GRIP1: variants seen among roughly 807,000 people sequenced by gnomAD.
GRIP1 encodes the protein glutamate receptor interacting protein 1.
A neutral mutation model predicts 129.9 loss-of-function variants in GRIP1; 45 were observed. The observed-to-expected ratio is 0.35, with a 90% confidence interval of 0.27 to 0.44. GRIP1 has a LOEUF of 0.44. GRIP1 is among the 20% of genes least tolerant of loss of function. GRIP1 has a pLI of 1.00. For missense variants in GRIP1, 1,196 were observed against 1,396.8 expected (o/e 0.86, Z 2.29); for synonymous variants, 530 against 520.8 (o/e 1.02, Z -0.24).
At chr12:66,497,343 C>T (rs1056202079) in intron 7 of GRIP1, among the ~76,000 whole-genome samples, 2 of 152,274 alleles carry the variant, frequency 1.3e-5, no homozygotes, top group East Asian at 1.9e-4. Context: ...GAGTAACAGA[C>T]ATTTAGGCTG....
At chr12:67,015,767 G>T (rs1327141053) in intron 1 of GRIP1, among the ~76,000 whole-genome samples, 3 of 152,184 alleles carry the variant, frequency 2.0e-5, no homozygotes, top group Non-Finnish European at 4.4e-5. Context: ...TCTACAGGAG[G>T]AGGGATACAT....
chr12:66,916,813 T>C (rs2041131131), intron 1 of GRIP1, among the ~76,000 whole-genome samples: 1 of 152,184 alleles, frequency 6.6e-6, no homozygotes, highest in South Asian at 2.1e-4. Flanking sequence ...TGTATTATAC[T>C]CTTTTGCCTA....
At chr12:66,605,054 T>C (rs200371641) in intron 1 of GRIP1, among the ~76,000 whole-genome samples, 5 of 109,292 alleles carry the variant, frequency 4.6e-5, no homozygotes, top group East Asian at 4.2e-4. Flanking sequence ...AAGTCACTTA[T>C]ATATATATAT....
chr12:66,954,983 A>G (rs2041816690), intron 1 of GRIP1, among the ~76,000 whole-genome samples: 1 of 152,160 alleles, frequency 6.6e-6, no homozygotes, highest in Non-Finnish European at 1.5e-5. Context: ...GTGCCACTTG[A>G]GCAAAGCCCC....
intron 1 of GRIP1, among the ~76,000 whole-genome samples, chr12:67,039,633 CATA>C (rs1377233162): frequency 6.6e-6 from 1 of 152,146 alleles, no homozygotes; most frequent in Admixed American, 6.6e-5. Context: ...AAAAGAGTCT[CATA>C]ATAATAATGA....
Position 66,679,024 on chromosome 12 carries a change from G to C in GRIP1, c.-120C>G, listed in dbSNP as rs1248152731. ...AGGAGAAAGGTAGTCCCAGTGGGGA[G>C]TGACAAAGCTTAATTCCTCTTGGCT... On this transcript the variant is annotated 5_prime_UTR_variant, in exon 1 of 25. Coordinates refer to ENST00000359742, the MANE Select transcript of GRIP1 (RefSeq NM_001366722.1). The C allele has an allele frequency of 2.5e-6, 4 of 1,569,102 alleles. No individual in the cohort carries two copies. Among genetic ancestry groups the C allele is most frequent in the Non-Finnish European group, 3.5e-6 (4 of 1,156,426 alleles).
At chr12:66,399,278 C>T (rs1054684049) in intron 16 of GRIP1, among the ~76,000 whole-genome samples, 4 of 151,876 alleles carry the variant, frequency 2.6e-5, no homozygotes, top group Non-Finnish European at 5.9e-5. Context: ...GGCTTTAACT[C>T]AACTGGTGAG....
At chr12:66,974,360 C>A (rs1044887453) in intron 1 of GRIP1, among the ~76,000 whole-genome samples, 1 of 152,100 alleles carries the variant, frequency 6.6e-6, no homozygotes, top group East Asian at 1.9e-4. Context: ...ATCCAACATG[C>A]GATAACAGAC....
chr12:66,486,793 T>G (rs1399215154), intron 7 of GRIP1, among the ~76,000 whole-genome samples: 2 of 1,060 alleles, frequency 1.9e-3, no homozygotes, highest in East Asian at 0.5. Flanking sequence ...CAGGTCTCAA[T>G]TTTTTTTTTT....
At chr12:67,018,021 T>C (rs546168201) in intron 1 of GRIP1, among the ~76,000 whole-genome samples, 29 of 152,324 alleles carry the variant, frequency 1.9e-4, no homozygotes, top group African/African-American at 7.0e-4. Context: ...CCTGAAATAC[T>C]GAGTGAGTTA....
intron 1 of GRIP1, among the ~76,000 whole-genome samples, chr12:66,887,606 T>C (rs973929997): frequency 1.3e-5 from 2 of 152,244 alleles, no homozygotes; most frequent in Non-Finnish European, 2.9e-5. Flanking sequence ...ATTTGACCTT[T>C]TAAGTAATTT....
chr12:66,460,555 C>A (rs1047803038), intron 9 of GRIP1, among the ~76,000 whole-genome samples: 3 of 152,210 alleles, frequency 2.0e-5, no homozygotes, highest in Admixed American at 6.5e-5. Flanking sequence ...AAATTTCTAA[C>A]CTCACTGAAA....
chr12:66,815,501 C>T (rs1345583798), intron 1 of GRIP1, among the ~76,000 whole-genome samples: 2 of 152,160 alleles, frequency 1.3e-5, no homozygotes, highest in Non-Finnish European at 2.9e-5. Flanking sequence ...TGACTCATGC[C>T]TACAATCCCA....
chr12:66,803,423 A>T (rs899272643), intron 1 of GRIP1, among the ~76,000 whole-genome samples: 4 of 152,180 alleles, frequency 2.6e-5, no homozygotes, highest in Non-Finnish European at 4.4e-5. Context: ...ATAAAAGAAA[A>T]CTGCTAGTTC....
intron 1 of GRIP1, chr12:66,626,853 C>T (rs1165512822): frequency 6.6e-6 from 1 of 152,506 alleles, no homozygotes; most frequent in East Asian, 1.9e-4. Context: ...TCAGGACAAA[C>T]GAGAACTTGG....
chr12:66,827,385 T>TGTGG (rs2039434141), intron 1 of GRIP1, among the ~76,000 whole-genome samples: 2 of 71,496 alleles, frequency 2.8e-5, no homozygotes, highest in South Asian at 1.2e-3. Flanking sequence ...TGTGTGTGTG[T>TGTGG]GTGAGAGAGA....
intron 20 of GRIP1, 144 bp from the exon 21 acceptor site, chr12:66,377,429 A>G (rs1478351630): frequency 2.7e-5 from 18 of 668,972 alleles, no homozygotes; most frequent in Non-Finnish European, 3.8e-5. Context: ...CCGGGTTCAC[A>G]CCATTCTCCT....
rs146375424 is a variant in GRIP1, at chr12:66,717,715, T to C, written c.-420+86338A>G. On this transcript the variant is annotated intron_variant, in intron 1 of 4. Transcript: ENST00000538373. ...TGATGCATATTGAACAGTCATTGTGTTGGTCTTTTCTTTAACTATAAATGA... is the reference window on the plus strand; with the variant it reads ...TGATGCATATTGAACAGTCATTGTGCTGGTCTTTTCTTTAACTATAAATGA... Among the ~76,000 whole-genome samples the C allele has an allele frequency of 2.1e-3, 327 of 152,294 alleles. 3 individuals carry two copies. Among genetic ancestry groups the C allele is most frequent in the African/African-American group, 6.8e-3 (283 of 41,586 alleles).
At chr12:66,352,625 C>T (rs573271737) in intron 24 of GRIP1, among the ~76,000 whole-genome samples, 7 of 149,414 alleles carry the variant, frequency 4.7e-5, no homozygotes, top group African/African-American at 1.2e-4. Flanking sequence ...CCCAGCTACT[C>T]GGGAGGCTGA....
Sources: allele counts gnomAD v4.1 joint callset (sites outside exome capture counted in the v4.1 genomes callset), GRCh38; gene constraint gnomAD v4.1.1; transcripts MANE v1.5; gene names NCBI Gene and HGNC (gene_info 2026-07-23, HGNC 2026-07-21).